The following CAST variants were observed in gnomAD, a reference collection of about 807,000 sequenced individuals.
The protein encoded by CAST is MIR583 host.
In CAST, 76 loss-of-function variants were observed where a neutral mutation model predicts 119.6. That is an observed-to-expected ratio of 0.64 (90% confidence interval 0.53 to 0.77). CAST has a LOEUF of 0.77. Ranked by LOEUF, CAST falls within the 30% of genes least tolerant of loss-of-function variation. The pLI, the probability that CAST is intolerant of heterozygous loss-of-function variation, is 0.00. For synonymous variants in CAST, 319 were observed against 331.6 expected, an observed-to-expected ratio of 0.96 and a Z score of 0.41; for missense variants, 953 against 946.5, an observed-to-expected ratio of 1.01 and a Z score of -0.09.
At chr5:96,739,136 A>G (rs1762208148) in intron 11 of CAST, among the ~76,000 whole-genome samples, 1 of 152,226 alleles carries the variant, frequency 6.6e-6, no homozygotes, top group Admixed American at 6.5e-5. Flanking sequence ...ACTAAAACAC[A>G]GAAGAAACAC....
the CAST span, among the ~76,000 whole-genome samples, chr5:96,125,685 C>T: frequency 3.3e-5 from 5 of 152,162 alleles, no homozygotes; most frequent in Admixed American, 1.3e-4. Context: ...AAGTGCTCAG[C>T]GCTCAATAAC....
At chr5:96,557,534 C>G (rs182869501) in intron 1 of CAST, among the ~76,000 whole-genome samples, 1 of 150,116 alleles carries the variant, frequency 6.7e-6, no homozygotes. Context: ...AAATGGAAAA[C>G]GAAAAAAAGG....
the CAST span, among the ~76,000 whole-genome samples, chr5:96,305,268 G>T: frequency 6.6e-6 from 1 of 152,176 alleles, no homozygotes; most frequent in African/African-American, 2.4e-5. Context: ...TATTATTGGT[G>T]TATAGGAATG....
chr5:96,025,270 C>A, the CAST span, among the ~76,000 whole-genome samples: 6 of 152,086 alleles, frequency 3.9e-5, no homozygotes, highest in Admixed American at 2.6e-4. Context: ...TTTCTATGAA[C>A]CACTTCCTGG....
the CAST span, among the ~76,000 whole-genome samples, chr5:96,461,257 C>T: frequency 6.6e-6 from 1 of 152,140 alleles, no homozygotes; most frequent in Non-Finnish European, 1.5e-5. Flanking sequence ...TTTACCCATT[C>T]ATCAGCTGAT....
the CAST span, among the ~76,000 whole-genome samples, chr5:96,179,966 G>A: frequency 6.6e-6 from 1 of 152,166 alleles, no homozygotes; most frequent in Middle Eastern, 3.4e-3. Flanking sequence ...AACCCGGGAG[G>A]TGGAGCTTGC....
the CAST span, among the ~76,000 whole-genome samples, chr5:96,467,412 A>T: frequency 6.6e-6 from 1 of 151,986 alleles, no homozygotes; most frequent in Non-Finnish European, 1.5e-5. Flanking sequence ...CTATACTGAG[A>T]TTAAAAAGAA....
At chr5:96,082,124 G>A in the CAST span, among the ~76,000 whole-genome samples, 618 of 152,286 alleles carry the variant, frequency 4.1e-3, 6 homozygotes, top group African/African-American at 0.014. Flanking sequence ...ATGTTGGTTA[G>A]GCTGGTCTCA....
At chr5:96,536,219 C>A (rs1449387522) in intron 1 of CAST, among the ~76,000 whole-genome samples, 1 of 151,470 alleles carries the variant, frequency 6.6e-6, no homozygotes, top group Non-Finnish European at 1.5e-5. Flanking sequence ...ATTAGCCAGG[C>A]GTGGTGAGAG....
the CAST span, among the ~76,000 whole-genome samples, chr5:96,141,642 A>G: frequency 6.6e-6 from 1 of 152,296 alleles, no homozygotes; most frequent in African/African-American, 2.4e-5. Flanking sequence ...CTATATCTCT[A>G]TTGCTATGTA....
At chr5:96,077,345 G>A in the CAST span, among the ~76,000 whole-genome samples, 18 of 152,060 alleles carry the variant, frequency 1.2e-4, no homozygotes, top group African/African-American at 4.3e-4. Flanking sequence ...TAGCATGACT[G>A]TATAACTTTC....
At chr5:96,633,285 G>T (rs1424152994) in intron 1 of CAST, among the ~76,000 whole-genome samples, 1 of 152,114 alleles carries the variant, frequency 6.6e-6, no homozygotes, top group Non-Finnish European at 1.5e-5. Context: ...CCATTCTATA[G>T]ATCAATTTAA....
chr5:95,999,161 G>A, the CAST span, among the ~76,000 whole-genome samples: 10 of 151,854 alleles, frequency 6.6e-5, no homozygotes, highest in African/African-American at 2.2e-4. Context: ...CAGGGCCCAG[G>A]CAACTACTAA....
the CAST span, among the ~76,000 whole-genome samples, chr5:96,132,184 G>A: frequency 2.0e-5 from 3 of 152,046 alleles, no homozygotes; most frequent in East Asian, 5.8e-4. Flanking sequence ...ACAGAAGGGA[G>A]GGAGGGAAAG....
chr5:96,031,232 C>CAAAAAAAAAA, the CAST span, among the ~76,000 whole-genome samples: 1 of 63,680 alleles, frequency 1.6e-5, no homozygotes, highest in Non-Finnish European at 3.3e-5. Context: ...AGAACATGAC[C>CAAAAAAAAAA]AAAAAAAAAA....
At chr5:96,181,132 C>T in the CAST span, among the ~76,000 whole-genome samples, 2 of 152,114 alleles carry the variant, frequency 1.3e-5, no homozygotes, top group Non-Finnish European at 2.9e-5. Flanking sequence ...CAACAGGAAA[C>T]ATGCTTACAT....
the CAST span, among the ~76,000 whole-genome samples, chr5:96,362,748 G>A: frequency 6.6e-6 from 1 of 152,186 alleles, no homozygotes; most frequent in Non-Finnish European, 1.5e-5. Context: ...TTTGTCAGAT[G>A]AGTAGATTGC....
chr5:96,217,656 A>G, the CAST span, among the ~76,000 whole-genome samples: 1 of 152,212 alleles, frequency 6.6e-6, no homozygotes, highest in Non-Finnish European at 1.5e-5. Flanking sequence ...TGGATGATCT[A>G]TTACTATGCA....
the CAST span, chr5:96,412,893 TC>T: frequency 6.9e-6 from 1 of 145,502 alleles, no homozygotes; most frequent in Non-Finnish European, 1.2e-5. Context: ...ATGTTTGCCC[TC>T]CCTCCCACCC....
Sources: allele counts gnomAD v4.1 joint callset (sites outside exome capture counted in the v4.1 genomes callset), GRCh38; gene constraint gnomAD v4.1.1; transcripts MANE v1.5; gene names NCBI Gene and HGNC (gene_info 2026-07-23, HGNC 2026-07-21).